Variants in NTRK1 observed in about 807,000 individuals in gnomAD.
NTRK1 encodes neurotrophic receptor tyrosine kinase 1, also known as high affinity nerve growth factor receptor.
Under a neutral mutation model 86.8 loss-of-function variants are expected in NTRK1, and 62 were observed. That is an observed-to-expected ratio of 0.71 (90% CI 0.58 to 0.88). The LOEUF (loss-of-function observed/expected upper bound fraction) is 0.88, where lower values mean the gene tolerates loss of function less well. NTRK1 is among the 40% of genes least tolerant of loss of function. The probability of loss-of-function intolerance (pLI) is 0.00; values close to 1 mark genes in which losing one functional copy is unlikely to be tolerated. For synonymous variants in NTRK1, 469 were observed against 456.6 expected, an observed-to-expected ratio of 1.03 and a Z score of -0.35; for missense variants, 967 against 1,078.4, an observed-to-expected ratio of 0.90 and a Z score of 1.45.
Position 156,860,962 on chromosome 1 carries a change from C to G in NTRK1, c.28C>G (p.Leu10Val), listed in dbSNP as rs1655615857. 6.6e-7 allele frequency: 1 copy of G among 1,508,138 alleles called. No homozygotes were observed. The allele number at this position is 1,508,138 out of a possible 1,614,324, so 93.4% of individuals were successfully genotyped here. Residue 10 changes from leucine to valine, a missense_variant, in exon 1 of 17, where the codon CTT becomes GTT. Coordinates refer to ENST00000524377, the MANE Select transcript of NTRK1 (RefSeq NM_002529.4). ...GCTGCGAGGCGGACGGCGCGGGCAG[C>G]TTGGCTGGCACAGCTGGGCTGCGGG... is the stretch of plus-strand genomic sequence containing the variant. MLRGGRRGQ[L>V]GWHSWAAGPG... is the part of the protein sequence containing the mutation.
At chr1:156,853,893 G>T in intron 2 of NTRK1, 1 of 1,614,184 alleles carries the variant, frequency 6.2e-7, no homozygotes, top group East Asian at 2.2e-5. Context: ...CCCACGATGT[G>T]GTTGGCGCCA....
At chr1:156,847,436 C>T (rs1161168480) in intron 2 of NTRK1, among the ~76,000 whole-genome samples, 2 of 152,042 alleles carry the variant, frequency 1.3e-5, no homozygotes, top group Non-Finnish European at 2.9e-5. Flanking sequence ...GGGGAGATGA[C>T]AGTGGGCCCC....
At chr1:156,862,871 A>T (rs1479523166) in intron 1 of NTRK1, among the ~76,000 whole-genome samples, 1 of 151,898 alleles carries the variant, frequency 6.6e-6, no homozygotes, top group Non-Finnish European at 1.5e-5. Flanking sequence ...AGGTTACTTT[A>T]TAGGCCTCTA....
At position 156,874,350 on chromosome 1, in the gene NTRK1, T is replaced by C. The variant is rs774926214; in HGVS notation, c.1178-33T>C. 5 of 1,613,896 alleles carry C rather than the reference T, an allele frequency of 3.1e-6. No homozygotes were observed. In the African/African-American group the frequency reaches 6.7e-5, roughly 22 times the overall value. On this transcript the variant is annotated intron_variant, in intron 8 of 16. Transcript: ENST00000524377. ...CCCTCTGACTGCTTTCTCTCCTCCC[T>C]CTGACTGCTTTCTCTCCTCCCTCCT...
intron 1 of NTRK1, among the ~76,000 whole-genome samples, chr1:156,828,690 T>C (rs1654387117): frequency 6.6e-6 from 1 of 152,168 alleles, no homozygotes; most frequent in African/African-American, 2.4e-5. Context: ...TGTGAAGCAA[T>C]GGAAGGAGAG....
chr1:156,876,451 GAGC>G lies in NTRK1; in HGVS notation c.1685_1687del (p.Glu562_Leu563delinsVal). 6.2e-7 allele frequency: 1 copy of G among 1,613,902 alleles called. No individual in the cohort carries two copies. Among genetic ancestry groups the G allele is most frequent in the East Asian group, 2.2e-5 (1 of 44,876 alleles). On this transcript the variant is annotated inframe_deletion, in exon 14 of 17. Transcript: ENST00000524377. Reference sequence around the variant, plus strand: ...TCGGCAGGACTTCCAGCGTGAGGCTGAGCTGCTCACCATGCTGCAGCACCAGCA... The same window carrying G: ...TCGGCAGGACTTCCAGCGTGAGGCTGTGCTCACCATGCTGCAGCACCAGCA...
chr1:156,859,309 T>A (rs920059572), upstream of NTRK1, among the ~76,000 whole-genome samples: 2 of 152,090 alleles, frequency 1.3e-5, no homozygotes, highest in Non-Finnish European at 2.9e-5. The surrounding 1 kb of genome is among the most constrained non-coding windows in gnomAD (Gnocchi z 6.2). Flanking sequence ...GGCCAAGAAC[T>A]GAGCTTCCTC....
At chr1:156,817,047 T>TTCTCCCTCTCTCTCTCTCTCTCTC (rs148320709) in intron 1 of NTRK1, among the ~76,000 whole-genome samples, 1 of 113,782 alleles carries the variant, frequency 8.8e-6, no homozygotes, top group Non-Finnish European at 1.8e-5. Context: ...GAACTTCCCT[T>TTCTCCCTCTCTCTCTCTCTCTCTC]TCTCTCTCTC....
At chr1:156,815,797 G>A (rs1653848530) in exon 1 of NTRK1, 1 of 1,613,926 alleles carries the variant, frequency 6.2e-7, no homozygotes, top group South Asian at 1.1e-5. Context: ...GAGGGCCTAG[G>A]AGCAGTAAGG....
rs1647799454 is a variant in NTRK1, at chr1:156,874,889, C to G, written c.1252-17C>G. On this transcript the variant is annotated splice_polypyrimidine_tract_variant and intron_variant, in intron 10 of 16. Coordinates refer to ENST00000524377, the MANE Select transcript of NTRK1 (RefSeq NM_002529.4). Reference sequence around the variant, plus strand: ...CAGGAGGAGCCCCTGGATCTAACTACCCCTGTCCCCCACCAGGTCTCGGTG... The same window carrying G: ...CAGGAGGAGCCCCTGGATCTAACTAGCCCTGTCCCCCACCAGGTCTCGGTG... The G allele has an allele frequency of 6.3e-7, 1 of 1,585,114 alleles. No individual in the cohort carries two copies. Among genetic ancestry groups the G allele is most frequent in the Non-Finnish European group, 8.7e-7 (1 of 1,154,016 alleles).
rs769997987 is a variant in NTRK1, at chr1:156,868,107, C to A, written c.432C>A (p.Val144=). 6.2e-7 allele frequency: 1 copy of A among 1,613,918 alleles called. No individual in the cohort carries two copies. The highest frequency in any genetic ancestry group is 8.5e-7 in the Non-Finnish European group (1 of 1,180,046). Residue 144 remains valine (V), a synonymous_variant, in exon 5 of 17, where the codon GTC becomes GTA. Coordinates refer to ENST00000524377, the MANE Select transcript of NTRK1 (RefSeq NM_002529.4). ...TGGTGTCCCCCATGCCCCCCAGGGT[C>A]CTGTCGGGGAACCCTCTGCACTGTT... ...TVQGLSLQEL[V]LSGNPLHCSC...
intron 3 of NTRK1, among the ~76,000 whole-genome samples, 173 bp from the exon 4 acceptor site, chr1:156,866,737 C>G (rs1195585538): frequency 6.6e-6 from 1 of 150,854 alleles, no homozygotes; most frequent in African/African-American, 2.4e-5. Flanking sequence ...AGTCCCCCCA[C>G]CCCCCACCCC....
chr1:156,881,413 C>A (rs1419558026), intron 16 of NTRK1, 44 bp from the exon 17 acceptor site: 1 of 1,544,574 alleles, frequency 6.5e-7, no homozygotes, highest in South Asian at 1.2e-5. Context: ...CTCTCTTGCC[C>A]CCAGCCTAGT....
At chr1:156,864,243 A>G (rs1655819706) in intron 1 of NTRK1, 111 bp from the exon 2 acceptor site, 1 of 982,262 alleles carries the variant, frequency 1.0e-6, no homozygotes, top group African/African-American at 1.6e-5. Context: ...GAACAGGTGC[A>G]TATGCGTGTG....
At chr1:156,875,773 C>T in intron 12 of NTRK1, 107 bp downstream of exon 12, 3 of 1,457,510 alleles carry the variant, frequency 2.1e-6, no homozygotes, top group Admixed American at 1.9e-5. Flanking sequence ...TCCCTTTCTC[C>T]CACCCCTCCC....
chr1:156,860,750 G>A (rs1461704065), upstream of NTRK1: 16 of 1,156,676 alleles, frequency 1.4e-5, no homozygotes, highest in East Asian at 4.8e-4. Flanking sequence ...AGGGGGGGGC[G>A]TCAGAGAGTA....
rs1188397412 is a variant in NTRK1 at position 156,868,528 on chromosome 1, G to C, written c.598G>C (p.Val200Leu). The C allele has an allele frequency of 2.6e-6, 4 of 1,559,188 alleles. No individual in the cohort carries two copies. In the South Asian group the frequency reaches 4.7e-5, roughly 18 times the overall value. ...AGGTGTGCCCACGCTGAAGGTCCAGGTGCCCAATGCCTCGGTGGATGTGGG... is the reference window on the plus strand; with the variant it reads ...AGGTGTGCCCACGCTGAAGGTCCAGCTGCCCAATGCCTCGGTGGATGTGGG... Reference protein sequence around the residue: ...SCGVPTLKVQVPNASVDVGDD... With the variant: ...SCGVPTLKVQLPNASVDVGDD... The change falls in exon 6 of 17, where the codon GTG (valine) becomes CTG (leucine). Residue 200 changes from valine (V) to leucine (L), a missense_variant. By Grantham distance (32) the Val-to-Leu change is conservative. Around this residue, in one of 2 missense-constraint regions of NTRK1, gnomAD observed 330 missense variants for 302.0 expected, o/e 1.09. Transcript: ENST00000524377.
At position 156,867,278 on chromosome 1, in the gene NTRK1, C is replaced by T. The variant is rs1012230138; in HGVS notation, c.428+300C>T. Among the ~76,000 whole-genome samples, 49 of 152,334 alleles carry T rather than the reference C, an allele frequency of 3.2e-4. 1 individual carries two copies. Among genetic ancestry groups the T allele is most frequent in the African/African-American group, 1.2e-3 (49 of 41,578 alleles). ...CTGCCCACATTCCCAGGGCACCCTGCACAGGGGTGAGTGGGGCAGCAGGGG... is the reference window on the plus strand; with the variant it reads ...CTGCCCACATTCCCAGGGCACCCTGTACAGGGGTGAGTGGGGCAGCAGGGG... On this transcript the variant is annotated intron_variant, in intron 4 of 16. Coordinates refer to ENST00000524377, the MANE Select transcript of NTRK1 (RefSeq NM_002529.4).
chr1:156,866,767 T>A, intron 3 of NTRK1, 143 bp from the exon 4 acceptor site: 1 of 606,438 alleles, frequency 1.6e-6, no homozygotes, highest in Non-Finnish European at 3.0e-6. Context: ...ACACACTGCC[T>A]TCCAGGGCTG....
Sources: gnomAD v4.1 joint callset for allele counts (sites outside exome capture counted in the v4.1 genomes callset) on GRCh38, gnomAD v4.1.1 for gene constraint, gnomAD v4.1.1 regional missense constraint, Gnocchi (gnomAD v3.1) non-coding constraint, MANE v1.5 for transcripts, NCBI Gene and HGNC (gene_info 2026-07-23, HGNC 2026-07-21) for gene names.